TTC6: variants seen among roughly 807,000 people sequenced by gnomAD.
TTC6 encodes the protein tetratricopeptide repeat protein 6.
TTC6 carries 172 observed loss-of-function variants against 210.4 expected under a neutral mutation model. That is an observed-to-expected ratio of 0.82 (90% CI 0.72 to 0.93). TTC6 has a LOEUF of 0.93. Ranked by LOEUF, TTC6 falls within the 40% of genes least tolerant of loss-of-function variation. The pLI, the probability that TTC6 is intolerant of heterozygous loss-of-function variation, is 0.00. For synonymous variants in TTC6, 804 were observed against 819.6 expected, an observed-to-expected ratio of 0.98 and a Z score of 0.32; for missense variants, 2,414 against 2,318.1, an observed-to-expected ratio of 1.04 and a Z score of -0.85.
At chr14:37,769,790 G>T (rs1432828205) in intron 14 of TTC6, among the ~76,000 whole-genome samples, 1 of 151,852 alleles carries the variant, frequency 6.6e-6, no homozygotes, top group African/African-American at 2.4e-5. Context: ...GGTTTTTTGT[G>T]TCTCTATTTC....
chr14:37,700,046 GT>G (rs1210587510), intron 4 of TTC6, among the ~76,000 whole-genome samples: 1 of 152,154 alleles, frequency 6.6e-6, no homozygotes, highest in African/African-American at 2.4e-5. Flanking sequence ...ATTTCAACAA[GT>G]TATTCATATT....
intron 7 of TTC6, among the ~76,000 whole-genome samples, chr14:37,726,021 T>G (rs979775626): frequency 5.3e-5 from 8 of 152,140 alleles, no homozygotes; most frequent in African/African-American, 1.9e-4. Context: ...TGCTGCCCAC[T>G]TTTTGGTTCA....
intron 2 of TTC6, among the ~76,000 whole-genome samples, chr14:37,611,834 G>T (rs997369173): frequency 6.6e-6 from 1 of 152,086 alleles, no homozygotes; most frequent in African/African-American, 2.4e-5. Flanking sequence ...GATGTGTGTA[G>T]TTTCAGAATA....
intron 14 of TTC6, among the ~76,000 whole-genome samples, chr14:37,763,185 G>C: frequency 6.6e-6 from 1 of 151,922 alleles, no homozygotes; most frequent in Non-Finnish European, 1.5e-5. Flanking sequence ...ACTGCACCCG[G>C]CCCTGTATCT....
intron 2 of TTC6, 59 bp downstream of exon 4, chr14:37,680,320 T>C (rs1595096656): frequency 9.0e-7 from 1 of 1,116,546 alleles, no homozygotes. Context: ...TGCTTCCTGT[T>C]GCTTGAATGT....
At chr14:37,602,634 C>G (rs1227658536) in intron 1 of TTC6, among the ~76,000 whole-genome samples, 1 of 152,148 alleles carries the variant, frequency 6.6e-6, no homozygotes, top group East Asian at 1.9e-4. Context: ...GATGAACCCA[C>G]TGAACCCACG....
chr14:37,841,325 T>A (rs749111234), intron 29 of TTC6, 120 bp from the exon 32 acceptor site: 6 of 811,996 alleles, frequency 7.4e-6, no homozygotes, highest in Non-Finnish European at 1.1e-5. Flanking sequence ...TGGGATGAAA[T>A]GCTTCTGTTG....
At chr14:37,616,339 A>G (rs1827024975) in intron 2 of TTC6, among the ~76,000 whole-genome samples, 1 of 152,152 alleles carries the variant, frequency 6.6e-6, no homozygotes, top group Non-Finnish European at 1.5e-5. Flanking sequence ...CACTTGCACT[A>G]TGCCATTTCT....
At chr14:37,597,544 C>CA (rs33958559) in intron 1 of TTC6, among the ~76,000 whole-genome samples, 5,821 of 148,862 alleles carry the variant, frequency 0.039, 374 homozygotes, top group African/African-American at 0.14. Context: ...CTCATATTTT[C>CA]AAAAAAAAAA....
intron 1 of TTC6, among the ~76,000 whole-genome samples, chr14:37,677,271 G>T (rs2138521642): frequency 6.6e-6 from 1 of 151,634 alleles, no homozygotes. Context: ...TGGTTTTTTG[G>T]TTAAATTTAT....
chr14:37,730,466 T>C (rs1381775009), intron 7 of TTC6, among the ~76,000 whole-genome samples: 1 of 152,220 alleles, frequency 6.6e-6, no homozygotes, highest in Non-Finnish European at 1.5e-5. Context: ...TCTGCCACAT[T>C]GGAGACCATT....
chr14:37,705,709 G>C (rs566504451), intron 5 of TTC6, among the ~76,000 whole-genome samples: 1 of 152,260 alleles, frequency 6.6e-6, no homozygotes, highest in South Asian at 2.1e-4. Flanking sequence ...GGAGACCAGT[G>C]AAAAGAAGGG....
chr14:37,616,193 G>A (rs2139272496), intron 2 of TTC6, among the ~76,000 whole-genome samples: 1 of 152,280 alleles, frequency 6.6e-6, no homozygotes, highest in East Asian at 1.9e-4. Context: ...GGTTTAGATA[G>A]AATTTGGGGA....
At chr14:37,777,662 G>C (rs1223861845) in intron 14 of TTC6, among the ~76,000 whole-genome samples, 1 of 152,052 alleles carries the variant, frequency 6.6e-6, no homozygotes, top group African/African-American at 2.4e-5. Context: ...GTCATTTGGA[G>C]GTAATAAGAC....
intron 6 of TTC6, 42 bp from the exon 9 acceptor site, chr14:37,724,856 A>C (rs1595154769): frequency 1.6e-6 from 2 of 1,227,896 alleles, no homozygotes; most frequent in Non-Finnish European, 2.2e-6. Context: ...TCTCAAGGCC[A>C]TTTCTTACCA....
chr14:37,696,813 T>A (rs775805462), exon 4 of TTC6: 3 of 1,397,530 alleles, frequency 2.1e-6, no homozygotes, highest in African/African-American at 3.0e-5. Context: ...AAAACCTCTT[T>A]GTGATAAAAA....
In TTC6 at chr14:37,738,775, G is replaced by A; in HGVS notation, c.1984-1G>A. ...TTCTACCTCTTTGCTTGCTTACTAAGCGAGTAAAATCTTCTGTAGACTTGA... is the reference window on the plus strand; with the variant it reads ...TTCTACCTCTTTGCTTGCTTACTAAACGAGTAAAATCTTCTGTAGACTTGA... On this transcript the variant is annotated splice_acceptor_variant, in intron 9 of 30. Transcript: ENST00000553443. LOFTEE classifies it high-confidence loss of function. 1 of 1,464,794 alleles carries A rather than the reference G, an allele frequency of 6.8e-7. No individual in the cohort carries two copies. The highest frequency in any genetic ancestry group is 9.0e-7 in the Non-Finnish European group (1 of 1,115,438). 90.7% of individuals were successfully genotyped at this position (1,464,794 alleles called of 1,614,324 possible).
At chr14:37,669,062 C>A (rs2095753641) in intron 1 of TTC6, among the ~76,000 whole-genome samples, 2 of 152,186 alleles carry the variant, frequency 1.3e-5, no homozygotes, top group African/African-American at 4.8e-5. Flanking sequence ...CTTGAATAAT[C>A]TCATTGCTTC....
intron 26 of TTC6, among the ~76,000 whole-genome samples, chr14:37,822,830 C>A (rs1426374133): frequency 6.6e-6 from 1 of 152,106 alleles, no homozygotes; most frequent in African/African-American, 2.4e-5. Context: ...GTTACTGTGC[C>A]ATTACCTGTG....
Sources: gnomAD v4.1 joint callset for allele counts (sites outside exome capture counted in the v4.1 genomes callset) on GRCh38, gnomAD v4.1.1 for gene constraint, MANE v1.5 for transcripts, NCBI Gene and HGNC (gene_info 2026-07-23, HGNC 2026-07-21) for gene names.